Variants in RIN3 observed in about 807,000 individuals in gnomAD.
The protein encoded by RIN3 is Ras and Rab interactor 3.
A neutral mutation model predicts 76.3 loss-of-function variants in RIN3; 54 were observed. That is an observed-to-expected ratio of 0.71 (90% CI 0.57 to 0.89). RIN3 has a LOEUF of 0.89. Ranked by LOEUF, RIN3 falls within the 40% of genes least tolerant of loss-of-function variation. RIN3 has a pLI of 0.00. For synonymous variants in RIN3, 576 were observed against 564.0 expected (o/e 1.02, Z -0.30); for missense variants, 1,256 against 1,322.1 (o/e 0.95, Z 0.78).
chr14:92,609,122 A>C (rs1392667399), intron 3 of RIN3, among the ~76,000 whole-genome samples: 2 of 152,200 alleles, frequency 1.3e-5, no homozygotes, highest in Non-Finnish European at 2.9e-5. Context: ...CCCACTTATA[A>C]GTAAGAACAT....
chr14:92,551,469 A>G (rs1897424325), intron 1 of RIN3, among the ~76,000 whole-genome samples: 1 of 152,146 alleles, frequency 6.6e-6, no homozygotes, highest in African/African-American at 2.4e-5. Flanking sequence ...TATACCTAGG[A>G]GTGGAATCGC....
At chr14:92,603,642 G>C (rs113163055) in intron 3 of RIN3, among the ~76,000 whole-genome samples, 5 of 152,200 alleles carry the variant, frequency 3.3e-5, no homozygotes, top group Admixed American at 2.6e-4. Context: ...GCCGTGTTGC[G>C]GTCCTTACAT....
chr14:92,557,208 A>G (rs1897613813), intron 2 of RIN3, among the ~76,000 whole-genome samples: 1 of 152,172 alleles, frequency 6.6e-6, no homozygotes, highest in Non-Finnish European at 1.5e-5. Flanking sequence ...TGCCCATTTA[A>G]CCTCACAGCA....
chr14:92,546,422 T>G (rs535316600), intron 1 of RIN3, among the ~76,000 whole-genome samples: 1 of 152,318 alleles, frequency 6.6e-6, no homozygotes, highest in Admixed American at 6.5e-5. Context: ...AGATTAATGT[T>G]TACTATAGCC....
At chr14:92,675,435 T>A (rs1256625335) in intron 7 of RIN3, among the ~76,000 whole-genome samples, 1 of 152,232 alleles carries the variant, frequency 6.6e-6, no homozygotes, top group Non-Finnish European at 1.5e-5. Context: ...GGATTATTAA[T>A]CTCACCCAAA....
chr14:92,666,721 G>A (rs1888117628), intron 7 of RIN3, among the ~76,000 whole-genome samples: 2 of 152,208 alleles, frequency 1.3e-5, no homozygotes, highest in Non-Finnish European at 1.5e-5. Flanking sequence ...CCTCTGCTGG[G>A]GAGAAACAGA....
At chr14:92,638,340 C>T (rs1031036757) in intron 4 of RIN3, among the ~76,000 whole-genome samples, 3 of 152,158 alleles carry the variant, frequency 2.0e-5, no homozygotes, top group South Asian at 2.1e-4. Context: ...AGGAGTCCCC[C>T]GAGTGTGGGG....
intron 5 of RIN3, among the ~76,000 whole-genome samples, chr14:92,647,428 C>G (rs1887240375): frequency 6.6e-6 from 1 of 152,212 alleles, no homozygotes; most frequent in Non-Finnish European, 1.5e-5. Flanking sequence ...ATAGGGATTA[C>G]TCGCAGTGGT....
intron 1 of RIN3, among the ~76,000 whole-genome samples, chr14:92,529,253 C>CT (rs869262910): frequency 3.6e-3 from 513 of 143,126 alleles, no homozygotes; most frequent in Non-Finnish European, 4.3e-3. Flanking sequence ...CTTTTTTTTT[C>CT]TTTTTTTTTT....
At chr14:92,614,643 T>C (rs1415531220) in intron 3 of RIN3, among the ~76,000 whole-genome samples, 1 of 151,914 alleles carries the variant, frequency 6.6e-6, no homozygotes, top group Admixed American at 6.6e-5. Context: ...CTCCTGGTAG[T>C]GAATAAGGCT....
At chr14:92,676,905 G>A (rs776652683) in intron 8 of RIN3, among the ~76,000 whole-genome samples, 2 of 152,160 alleles carry the variant, frequency 1.3e-5, no homozygotes, top group Non-Finnish European at 2.9e-5. Context: ...AAGGCTTCCT[G>A]GAGGAGGTGA....
chr14:92,514,739 G>C lies in RIN3; in HGVS notation c.44+763G>C, dbSNP rs1896392800. 6.6e-6 allele frequency among the ~76,000 whole-genome samples: 1 copy of C among 152,212 alleles called. No individual in the cohort carries two copies. The highest frequency in any genetic ancestry group is 1.5e-5 in the Non-Finnish European group (1 of 68,030). ...CCCCCAGCCCCACCTCGCGAGCTCG[G>C]GCATTGCTCGGGGCTGGGCTCTGGG... On this transcript the variant is annotated intron_variant, in intron 1 of 9. Coordinates refer to ENST00000216487, the MANE Select transcript of RIN3 (RefSeq NM_024832.5). This position sits in a 1 kb window ranked among gnomAD's most constrained non-coding sequence, Gnocchi z 7.2.
intron 4 of RIN3, among the ~76,000 whole-genome samples, chr14:92,626,222 G>A (rs894741180): frequency 1.3e-5 from 2 of 152,156 alleles, no homozygotes; most frequent in South Asian, 2.1e-4. Flanking sequence ...CTTGGGCTGG[G>A]AATTTCTGGT....
rs768904856 is a variant in RIN3 at position 92,659,475 on chromosome 14, T to C, written c.2335+6T>C. ...CATGGCCCTCGGCAACCCAGGTCAGTGGGCAGCCGGGAGGGGTCTGGGTGA... is the reference window on the plus strand; with the variant it reads ...CATGGCCCTCGGCAACCCAGGTCAGCGGGCAGCCGGGAGGGGTCTGGGTGA... On this transcript the variant is annotated splice_donor_region_variant and intron_variant, in intron 7 of 9. Transcript: ENST00000216487. The C allele has an allele frequency of 6.3e-7, 1 of 1,589,986 alleles. No individual in the cohort carries two copies. Among genetic ancestry groups the C allele is most frequent in the Non-Finnish European group, 8.6e-7 (1 of 1,168,668 alleles).
Position 92,659,170 on chromosome 14 carries a change from T to C in RIN3, c.2036T>C (p.Val679Ala). 6.2e-7 allele frequency: 1 copy of C among 1,614,080 alleles called. No homozygotes were observed. The highest frequency in any genetic ancestry group is 1.1e-5 in the South Asian group (1 of 91,072). ...LHSEEELEAIVESALYKCVLK... is the reference protein window; with the variant it reads ...LHSEEELEAIAESALYKCVLK... ...TCTTGTTTACCTGCAGAAGCAATTG[T>C]AGAGTCTGCCTTGTACAAATGTGTC... The change falls in exon 7 of 10, where the codon GTA (valine) becomes GCA (alanine). Residue 679 changes from valine to alanine, a missense_variant. Physicochemically the swap from Val to Ala is moderately conservative, Grantham distance 64. Transcript: ENST00000216487.
intron 3 of RIN3, among the ~76,000 whole-genome samples, chr14:92,592,671 ATTATTATT>A (rs1885024288): frequency 6.9e-6 from 1 of 145,424 alleles, no homozygotes; most frequent in Non-Finnish European, 1.5e-5. Flanking sequence ...TATTATTATT[ATTATTATT>A]ATTATTATTA....
intron 6 of RIN3, among the ~76,000 whole-genome samples, chr14:92,657,554 G>C (rs1340727783): frequency 6.6e-6 from 1 of 152,168 alleles, no homozygotes; most frequent in African/African-American, 2.4e-5. Context: ...GGCCGGGAGG[G>C]CGTGGGCACA....
Position 92,660,852 on chromosome 14 carries a change from T to A in RIN3, c.2335+1383T>A, listed in dbSNP as rs118155800. Among the ~76,000 whole-genome samples the A allele has an allele frequency of 6.4e-4, 97 of 152,278 alleles. 2 individuals are homozygous for A. In the East Asian group the frequency reaches 0.015, roughly 24 times the overall value. On this transcript the variant is annotated intron_variant, in intron 7 of 9. Transcript: ENST00000216487. ...GCATCACTGCACGATGGAGCACAGC[T>A]CAATGAAGAGAATGCTGGCAGGATT... is the stretch of plus-strand genomic sequence containing the variant.
rs1490244594 is a variant in RIN3 at position 92,659,200 on chromosome 14, A to T, written c.2066A>T (p.Lys689Met). The change falls in exon 7 of 10, where the codon AAG becomes ATG. Residue 689 changes from lysine to methionine, a missense_variant. Transcript: ENST00000216487. ...VESALYKCVL[K>M]PLKEAINSCL... ...TCTGCCTTGTACAAATGTGTCCTGAAGCCCCTGAAGGAAGCCATCAACTCA... is the reference window on the plus strand; with the variant it reads ...TCTGCCTTGTACAAATGTGTCCTGATGCCCCTGAAGGAAGCCATCAACTCA... 1 of 1,614,194 alleles carries T rather than the reference A, an allele frequency of 6.2e-7. No homozygotes were observed. Among genetic ancestry groups the T allele is most frequent in the East Asian group, 2.2e-5 (1 of 44,890 alleles).
Sources: gnomAD v4.1 joint callset for allele counts (sites outside exome capture counted in the v4.1 genomes callset) on GRCh38, gnomAD v4.1.1 for gene constraint, Gnocchi (gnomAD v3.1) non-coding constraint, MANE v1.5 for transcripts, NCBI Gene and HGNC (gene_info 2026-07-23, HGNC 2026-07-21) for gene names.